Variants in DEAF1 observed in about 807,000 individuals in gnomAD.
DEAF1 encodes the protein DEAF1 transcription factor, also known as deformed epidermal autoregulatory factor 1 homolog.
Under a neutral mutation model 58.9 loss-of-function variants are expected in DEAF1, and 53 were observed. The ratio of observed to expected loss-of-function variants is 0.90; its 90% CI spans 0.72 to 1.13. DEAF1 has a LOEUF of 1.13. Ranked by LOEUF, DEAF1 falls within the 50% of genes most tolerant of loss-of-function variation. DEAF1 has a pLI of 0.00. For missense variants in DEAF1, 685 were observed against 791.4 expected, an observed-to-expected ratio of 0.87 and a Z score of 1.61; for synonymous variants, 385 against 340.4, an observed-to-expected ratio of 1.13 and a Z score of -1.44.
In DEAF1 at chr11:686,867, G is replaced by GGA; in HGVS notation, c.794_795insTC (p.Leu266ProfsTer8). ...AGGTCACGGACGATACCTGGATGAG[G>GGA]CACTGCAAGGGTCGGCCCGCGTAGC... On this transcript the variant is annotated frameshift_variant, in exon 5 of 12. Coordinates refer to ENST00000382409, the MANE Select transcript of DEAF1 (RefSeq NM_021008.4). LOFTEE classifies it high-confidence loss of function. 6.2e-7 allele frequency: 1 copy of GGA among 1,614,166 alleles called. No homozygotes were observed. Among genetic ancestry groups the GGA allele is most frequent in the Non-Finnish European group, 8.5e-7 (1 of 1,180,036 alleles).
At chr11:652,087 T>G (rs1366566156) in intron 11 of DEAF1, among the ~76,000 whole-genome samples, 3 of 152,178 alleles carry the variant, frequency 2.0e-5, no homozygotes, top group African/African-American at 7.2e-5. Flanking sequence ...GATAAGACCA[T>G]ACGCTAGGCC....
rs1380615236 is a variant in DEAF1, at chr11:677,419, C to CA, written c.1255+1274dup. Among the ~76,000 whole-genome samples, 35 of 82,274 alleles carry CA rather than the reference C, an allele frequency of 4.3e-4. 7 individuals carry two copies. Among genetic ancestry groups the CA allele is most frequent in the South Asian group, 1.9e-3 (4 of 2,162 alleles). 54.0% of individuals were successfully genotyped at this position (82,274 alleles called of 152,430 possible). A position where few individuals can be genotyped will look rare whatever the true frequency, so the allele number is the denominator to read the frequency against. On this transcript the variant is annotated intron_variant, in intron 9 of 11. Transcript: ENST00000382409. ...TGGGCAACAGATCAAGACTCCATCT[C>CA]AAAAAAAAAACAAAAAAAGGATGAG... is the stretch of plus-strand genomic sequence containing the variant.
chr11:684,832 G>A lies in DEAF1; in HGVS notation c.870+66C>T, dbSNP rs1223048209. On this transcript the variant is annotated intron_variant, in intron 6 of 11. Coordinates refer to ENST00000382409, the MANE Select transcript of DEAF1 (RefSeq NM_021008.4). ...GGAAACAGCCGAGAGGCCAAGGGCT[G>A]TGGGACCCACTCAGCCGCCCCCAGC... 3.6e-6 allele frequency: 5 copies of A among 1,395,352 alleles called. No homozygotes were observed. In the East Asian group the frequency reaches 7.5e-5, roughly 21 times the overall value. 86.4% of individuals were successfully genotyped at this position (1,395,352 alleles called of 1,614,324 possible).
chr11:680,817 A>G (rs1437581520), intron 7 of DEAF1, 146 bp downstream of exon 7: 1 of 1,227,968 alleles, frequency 8.1e-7, no homozygotes, highest in Admixed American at 1.9e-5. Context: ...ACGCACTGCA[A>G]AGGAGTGTGA....
intron 1 of DEAF1, chr11:703,942 C>G (rs961841032): frequency 8.8e-5 from 109 of 1,243,702 alleles, no homozygotes; most frequent in Non-Finnish European, 1.0e-4. Context: ...AATTCTAGCT[C>G]TGTGTTTTTT....
chr11:653,831 A>C (rs1858911460), intron 11 of DEAF1, 131 bp downstream of exon 11: 1 of 814,024 alleles, frequency 1.2e-6, no homozygotes, highest in Non-Finnish European at 2.1e-6. Flanking sequence ...GGAGCCCCGG[A>C]TTCCCAGAGG....
intron 10 of DEAF1, among the ~76,000 whole-genome samples, chr11:657,621 C>G (rs994571060): frequency 6.6e-6 from 1 of 152,222 alleles, no homozygotes; most frequent in Admixed American, 6.5e-5. Context: ...CAAGGAGACA[C>G]CTACAGACAC....
At chr11:661,795 G>A (rs762276474) in intron 10 of DEAF1, among the ~76,000 whole-genome samples, 4 of 152,210 alleles carry the variant, frequency 2.6e-5, no homozygotes, top group Non-Finnish European at 5.9e-5. Flanking sequence ...CTCTGTCAGG[G>A]TGCTCATGAG....
chr11:673,926 G>T (rs1021455686), intron 10 of DEAF1: 1 of 163,764 alleles, frequency 6.1e-6, no homozygotes, highest in Non-Finnish European at 1.3e-5. Flanking sequence ...TAAGTAAAGG[G>T]TTCATATGAA....
Position 644,473 on chromosome 11 carries a change from C to T in DEAF1, c.*77G>A, listed in dbSNP as rs956246974. 2 of 1,103,336 alleles carry T rather than the reference C, an allele frequency of 1.8e-6. No individual in the cohort carries two copies. Among genetic ancestry groups the T allele is most frequent in the Admixed American group, 1.9e-5 (1 of 53,044 alleles). The allele number at this position is 1,103,336 out of a possible 1,614,324, so 68.3% of individuals were successfully genotyped here. On this transcript the variant is annotated 3_prime_UTR_variant, in exon 12 of 12. Coordinates refer to ENST00000382409, the MANE Select transcript of DEAF1 (RefSeq NM_021008.4). This position sits in a 1 kb window ranked among gnomAD's most constrained non-coding sequence, Gnocchi z 4.3. ...CCTCTTCTCAACGTCCCCCCAGAGT[C>T]CTCAGGGGGGCCTTCGACCTGCAAA...
At chr11:693,334 C>T (rs1022823764) in intron 1 of DEAF1, among the ~76,000 whole-genome samples, 3 of 152,136 alleles carry the variant, frequency 2.0e-5, no homozygotes, top group African/African-American at 7.2e-5. Flanking sequence ...CAAAGCCTTC[C>T]CTCACTTTTT....
chr11:701,116 G>A (rs1861438527), intron 1 of DEAF1: 1 of 218,118 alleles, frequency 4.6e-6, no homozygotes, highest in African/African-American at 2.3e-5. Flanking sequence ...GCAGAGTCTG[G>A]AGGGGTGGGA....
At chr11:691,650 A>G (rs1590022048) in intron 1 of DEAF1, 52 bp from the exon 2 acceptor site, 1 of 1,540,166 alleles carries the variant, frequency 6.5e-7, no homozygotes, top group Non-Finnish European at 8.9e-7. Context: ...GAATGGACAA[A>G]GCGAACAGCC....
chr11:703,699 C>T lies in DEAF1; in HGVS notation c.-438+2873G>A, dbSNP rs987696457. ...GCTCTGCCTCACAGGCAGGCAGGCC[C>T]GGTGCAAGAGTGGACTCTGGGTTCC... is the stretch of plus-strand genomic sequence containing the variant. On this transcript the variant is annotated intron_variant, in intron 1 of 11. Coordinates refer to the DEAF1 transcript ENST00000683307. 90 of 1,232,418 alleles carry T rather than the reference C, an allele frequency of 7.3e-5. No individual in the cohort carries two copies. The East Asian group carries it at 2.8e-3, about 38-fold the overall frequency. 76.3% of individuals were successfully genotyped at this position (1,232,418 alleles called of 1,614,324 possible).
chr11:694,165 AG>A (rs1320422879), intron 1 of DEAF1, among the ~76,000 whole-genome samples: 1 of 151,808 alleles, frequency 6.6e-6, no homozygotes, highest in African/African-American at 2.4e-5. Context: ...AAGGCAGGGC[AG>A]GGGCAGAGCT....
intron 6 of DEAF1, 94 bp downstream of exon 6, chr11:684,804 G>A: frequency 9.2e-7 from 1 of 1,082,106 alleles, no homozygotes; most frequent in Non-Finnish European, 1.4e-6. Flanking sequence ...CAGAGGGCAG[G>A]AGGGAAACAG....
Position 687,830 on chromosome 11 carries a change from T to C in DEAF1, c.664+81A>G, listed in dbSNP as rs137907536. 4,003 of 1,587,944 alleles carry C rather than the reference T, an allele frequency of 2.5e-3. 90 individuals carry two copies. In the African/African-American group the frequency reaches 0.045, roughly 18 times the overall value. The stretch of plus-strand genomic sequence containing the variant: ...TAACTAGTTCTAGGTGCCATGATTT[T>C]CATCTTTCTCAGCCCCCAATTTATG... On this transcript the variant is annotated intron_variant, in intron 4 of 11. Coordinates refer to ENST00000382409, the MANE Select transcript of DEAF1 (RefSeq NM_021008.4).
At position 647,604 on chromosome 11, in the gene DEAF1, G is replaced by T. The variant is rs1364606876; in HGVS notation, c.1594-2950C>A. ...TCACAAATGAAAATAATGATGCGTG[G>T]GGCTTGCTTTAAAATGCTCAGCCCT... is the stretch of plus-strand genomic sequence containing the variant. On this transcript the variant is annotated intron_variant, in intron 11 of 11. Transcript: ENST00000382409. 7.2e-5 allele frequency among the ~76,000 whole-genome samples: 11 copies of T among 152,158 alleles called. 1 individual carries two copies. The highest frequency in any genetic ancestry group is 8.8e-5 in the Non-Finnish European group (6 of 68,046).
intron 7 of DEAF1, 145 bp from the exon 8 acceptor site, chr11:679,961 C>CG: frequency 8.7e-7 from 1 of 1,143,554 alleles, no homozygotes; most frequent in Non-Finnish European, 1.2e-6. Context: ...GTGAAGGACA[C>CG]GGGGGAAATC....
Sources: gnomAD v4.1 joint callset for allele counts (sites outside exome capture counted in the v4.1 genomes callset) on GRCh38, gnomAD v4.1.1 for gene constraint, Gnocchi (gnomAD v3.1) non-coding constraint, MANE v1.5 for transcripts, NCBI Gene and HGNC (gene_info 2026-07-23, HGNC 2026-07-21) for gene names.